STXBP5: variants seen among roughly 807,000 people sequenced by gnomAD.
The protein encoded by STXBP5 is syntaxin binding protein 5.
Under a neutral mutation model 152.4 loss-of-function variants are expected in STXBP5, and 50 were observed. The observed-to-expected ratio is 0.33, with a 90% CI of 0.26 to 0.42. The LOEUF (loss-of-function observed/expected upper bound fraction) is 0.42. STXBP5 is among the 10% of genes least tolerant of loss of function. The pLI, the probability that STXBP5 is intolerant of heterozygous loss-of-function variation, is 1.00. For missense variants in STXBP5, 1,167 were observed against 1,388.6 expected (o/e 0.84, Z 2.54); for synonymous variants, 492 against 494.7 (o/e 0.99, Z 0.07).
At chr6:147,360,910 T>C (rs1422260847) in intron 23 of STXBP5, among the ~76,000 whole-genome samples, 1 of 152,136 alleles carries the variant, frequency 6.6e-6, no homozygotes, top group Non-Finnish European at 1.5e-5. Flanking sequence ...TTTACAGTTT[T>C]TGGAATTTAG....
At chr6:147,325,164 G>A in intron 17 of STXBP5, 80 bp downstream of exon 17, 5 of 1,284,146 alleles carry the variant, frequency 3.9e-6, no homozygotes, top group Non-Finnish European at 5.0e-6. Flanking sequence ...AGAAAGGATG[G>A]TCTTTGTTAT....
chr6:147,219,011 T>C (rs1209676208), intron 2 of STXBP5, among the ~76,000 whole-genome samples: 5 of 152,224 alleles, frequency 3.3e-5, no homozygotes, highest in Non-Finnish European at 7.3e-5. Context: ...AAGAGGGATA[T>C]CCTTGCCTTG....
intron 2 of STXBP5, among the ~76,000 whole-genome samples, chr6:147,213,956 G>A (rs1187825078): frequency 6.6e-6 from 1 of 152,020 alleles, no homozygotes; most frequent in Non-Finnish European, 1.5e-5. Flanking sequence ...AGTGATTACT[G>A]ACATGATTTT....
Position 147,342,225 on chromosome 6 carries a change from A to G in STXBP5, c.2254+2841A>G, listed in dbSNP as rs114011719. Among the ~76,000 whole-genome samples, 1,242 of 152,296 alleles carry G rather than the reference A, an allele frequency of 8.2e-3. 20 individuals are homozygous for G. The highest frequency in any genetic ancestry group is 0.029 in the African/African-American group (1,190 of 41,556). The stretch of plus-strand genomic sequence containing the variant: ...GCCAGATCATGGATGCCATCTTGGT[A>G]CCCATCACTCAAGTATAATATAGTG... On this transcript the variant is annotated intron_variant, in intron 21 of 27. Coordinates refer to ENST00000321680, the MANE Select transcript of STXBP5 (RefSeq NM_001127715.4).
At chr6:147,326,171 C>T (rs927542076) in intron 17 of STXBP5, among the ~76,000 whole-genome samples, 6 of 152,240 alleles carry the variant, frequency 3.9e-5, no homozygotes, top group African/African-American at 1.4e-4. Context: ...TCTTTCATAT[C>T]TTTTATTTGC....
At chr6:147,360,650 T>A (rs1785023169) in intron 23 of STXBP5, among the ~76,000 whole-genome samples, 1 of 152,186 alleles carries the variant, frequency 6.6e-6, no homozygotes, top group Non-Finnish European at 1.5e-5. Context: ...ATTTTTCATC[T>A]CCAAGTGTGA....
intron 8 of STXBP5, among the ~76,000 whole-genome samples, chr6:147,282,896 G>A (rs1582887126): frequency 2.0e-5 from 3 of 152,100 alleles, no homozygotes; most frequent in East Asian, 1.9e-4. Flanking sequence ...GCTAGACCAG[G>A]GGTGCCTTCC....
Position 147,289,455 on chromosome 6 carries a change from A to G in STXBP5, c.839-1639A>G, listed in dbSNP as rs559079250. On this transcript the variant is annotated intron_variant, in intron 8 of 27. Transcript: ENST00000321680. ...GGATTTCATATTTTCTTAAATTGCA[A>G]CATATTAAGGCTGATAGACTTGATT... 6.6e-5 allele frequency among the ~76,000 whole-genome samples: 10 copies of G among 152,328 alleles called. No individual in the cohort carries two copies. The East Asian group carries it at 1.9e-3, about 29-fold the overall frequency.
intron 23 of STXBP5, among the ~76,000 whole-genome samples, chr6:147,362,161 A>T (rs553753436): frequency 0.069 from 10,460 of 152,202 alleles, 486 homozygotes; most frequent in African/African-American, 0.12. Flanking sequence ...TGCTCAATAG[A>T]AGGCTGCAAC....
At chr6:147,232,175 T>C (rs1227677531) in intron 2 of STXBP5, among the ~76,000 whole-genome samples, 1 of 151,838 alleles carries the variant, frequency 6.6e-6, no homozygotes, top group African/African-American at 2.4e-5. Flanking sequence ...ATGGCAGAGC[T>C]GGCATATGAA....
At chr6:147,233,036 G>C (rs922704776) in intron 2 of STXBP5, among the ~76,000 whole-genome samples, 1 of 151,756 alleles carries the variant, frequency 6.6e-6, no homozygotes, top group Non-Finnish European at 1.5e-5. Context: ...TACTTACCAA[G>C]AATCAGTTTT....
chr6:147,369,487 TCTA>T (rs1785445384), intron 25 of STXBP5, among the ~76,000 whole-genome samples: 1 of 151,992 alleles, frequency 6.6e-6, no homozygotes. Flanking sequence ...ACTTAAAATT[TCTA>T]CTCTTCAGAA....
chr6:147,262,668 T>C (rs1050872567), intron 6 of STXBP5, among the ~76,000 whole-genome samples: 1 of 151,950 alleles, frequency 6.6e-6, no homozygotes, highest in African/African-American at 2.4e-5. Flanking sequence ...AAGTTTGCTT[T>C]TGGTTTTTGG....
At chr6:147,253,577 T>C (rs995559498) in intron 4 of STXBP5, among the ~76,000 whole-genome samples, 1 of 152,206 alleles carries the variant, frequency 6.6e-6, no homozygotes, top group African/African-American at 2.4e-5. Context: ...CAAAATCTCC[T>C]TAAGCTGATA....
At chr6:147,329,986 T>G (rs1320581133) in intron 18 of STXBP5, among the ~76,000 whole-genome samples, 3 of 152,142 alleles carry the variant, frequency 2.0e-5, no homozygotes. Context: ...TACAAATAGA[T>G]GCTGATATAT....
intron 8 of STXBP5, 63 bp downstream of exon 8, chr6:147,278,267 G>A: frequency 2.1e-6 from 3 of 1,413,470 alleles, no homozygotes; most frequent in Non-Finnish European, 2.8e-6. Flanking sequence ...TTTTGTTTGA[G>A]TTTGCATTCT....
intron 2 of STXBP5, among the ~76,000 whole-genome samples, chr6:147,228,417 G>A (rs932311118): frequency 4.0e-5 from 6 of 151,796 alleles, no homozygotes; most frequent in African/African-American, 1.5e-4. Context: ...TTTTTACCTG[G>A]AAGTCTGTAG....
chr6:147,219,389 G>A (rs1018307093), intron 2 of STXBP5, among the ~76,000 whole-genome samples: 3 of 151,948 alleles, frequency 2.0e-5, no homozygotes, highest in Non-Finnish European at 2.9e-5. Context: ...TTCTTTTCTC[G>A]TAATGCCTTT....
chr6:147,250,458 G>T (rs1779027984), intron 4 of STXBP5, among the ~76,000 whole-genome samples: 1 of 152,142 alleles, frequency 6.6e-6, no homozygotes, highest in Non-Finnish European at 1.5e-5. Context: ...TATTGGCATT[G>T]TAAGTAATCT....
Sources: gnomAD v4.1 joint callset for allele counts (sites outside exome capture counted in the v4.1 genomes callset) on GRCh38, gnomAD v4.1.1 for gene constraint, MANE v1.5 for transcripts, NCBI Gene and HGNC (gene_info 2026-07-23, HGNC 2026-07-21) for gene names.